Variants in IGSF22 observed in about 807,000 individuals in gnomAD.
The protein encoded by IGSF22 is immunoglobulin superfamily member 22, also known as immunoglobulin superfamily, member 22.
A neutral mutation model predicts 127.0 loss-of-function variants in IGSF22; 119 were observed. The ratio of observed to expected loss-of-function variants is 0.94; its 90% CI spans 0.81 to 1.09. IGSF22 has a LOEUF of 1.09. IGSF22 is among the 50% of genes least tolerant of loss of function. The pLI is 0.00. For synonymous variants in IGSF22, 568 were observed against 664.7 expected, an observed-to-expected ratio of 0.85 and a Z score of 2.24; for missense variants, 1,518 against 1,716.6, an observed-to-expected ratio of 0.88 and a Z score of 2.04.
rs760038093 is a variant in IGSF22 at position 18,707,863 on chromosome 11, C to G, written c.3221G>C (p.Arg1074Pro). ...STKRSDSGVYRILLQNEFGEA... is the reference protein window; with the variant it reads ...STKRSDSGVYPILLQNEFGEA... ...TCCAAACTCATTCTGAAGCAAGATT[C>G]GGTACACCCCTGAGTCAGAGCGCTT... The change falls in exon 20 of 23, where the codon CGA becomes CCA. Residue 1074 changes from arginine (R) to proline (P), a missense_variant. This residue lies in a region of IGSF22 where 1,456 missense variants were observed against 1,644.9 expected (regional missense o/e 0.89). Transcript: ENST00000513874. The G allele has an allele frequency of 1.9e-6, 3 of 1,613,810 alleles. No individual in the cohort carries two copies. Among genetic ancestry groups the G allele is most frequent in the Non-Finnish European group, 2.5e-6 (3 of 1,179,884 alleles).
intron 2 of IGSF22, among the ~76,000 whole-genome samples, chr11:18,722,622 C>A (rs200882772): frequency 1.3e-5 from 2 of 151,906 alleles, no homozygotes; most frequent in African/African-American, 2.4e-5. Flanking sequence ...ATTTGGAAAA[C>A]AAAAAAAACT....
chr11:18,721,361 C>A (rs1374306770), intron 4 of IGSF22, among the ~76,000 whole-genome samples, 174 bp downstream of exon 4: 1 of 152,244 alleles, frequency 6.6e-6, no homozygotes, highest in Non-Finnish European at 1.5e-5. Context: ...ATCCCGGTTC[C>A]TGACTCGGCC....
chr11:18,715,112 T>C, intron 11 of IGSF22, among the ~76,000 whole-genome samples: 1 of 151,758 alleles, frequency 6.6e-6, no homozygotes, highest in East Asian at 1.9e-4. Context: ...TAGTAGGAGA[T>C]GGTCGGGATC....
At chr11:18,713,151 C>CTTTT (rs11364796) in intron 14 of IGSF22, among the ~76,000 whole-genome samples, 2 of 117,650 alleles carry the variant, frequency 1.7e-5, no homozygotes, top group African/African-American at 6.6e-5. Context: ...GTTGTTGTTT[C>CTTTT]TTTTTTTTTT....
intron 9 of IGSF22, 89 bp from the exon 10 acceptor site, chr11:18,717,089 CCTGT>C (rs982882426): frequency 2.1e-6 from 3 of 1,437,254 alleles, no homozygotes; most frequent in African/African-American, 2.8e-5. Context: ...TCACTGGCCT[CCTGT>C]AGCCCATGGC....
intron 2 of IGSF22, among the ~76,000 whole-genome samples, chr11:18,722,825 G>A (rs1590457932): frequency 1.3e-5 from 2 of 152,136 alleles, no homozygotes; most frequent in African/African-American, 4.8e-5. Context: ...CTGACAGAGG[G>A]GGAAAAGTGT....
chr11:18,709,432 C>T lies in IGSF22; in HGVS notation c.2953G>A (p.Glu985Lys), dbSNP rs1174949528. 2 of 1,614,180 alleles carry T rather than the reference C, an allele frequency of 1.2e-6. No individual in the cohort carries two copies. The highest frequency in any genetic ancestry group is 3.3e-5 in the Admixed American group (2 of 60,022). ...IRAVNEAGVG[E>K]PVELDKGVRA... The stretch of plus-strand genomic sequence containing the variant: ...ACCCCCTTGTCTAGCTCCACAGGCT[C>T]CCCAACCCCAGCCTCATTCACAGCC... The change falls in exon 18 of 23, where the codon GAG becomes AAG. Residue 985 changes from glutamate to lysine, a missense_variant. This residue lies in a region of IGSF22 where 1,456 missense variants were observed against 1,644.9 expected (regional missense o/e 0.89). Transcript: ENST00000513874. This position sits in a 1 kb window ranked among gnomAD's most constrained non-coding sequence, Gnocchi z 4.8.
rs1437877785 is a variant in IGSF22 at position 18,712,297 on chromosome 11, T to C, written c.2183A>G (p.Asn728Ser). Residue 728 changes from asparagine (N) to serine (S), a missense_variant, in exon 15 of 23, where the codon AAT becomes AGT. Asn to Ser is a conservative substitution (Grantham distance 46). Around this residue, in one of 3 missense-constraint regions of IGSF22, gnomAD observed 1,456 missense variants for 1,644.9 expected, o/e 0.89. Coordinates refer to ENST00000513874, the MANE Select transcript of IGSF22 (RefSeq NM_173588.4). ...GAACTGTGTCACAGGTCGTCCACCA[T>C]TGTCCTTTGGGGCCTTCCACTTCAT... ...VHMKWKAPKD[N>S]GGRPVTQFIV... is the part of the protein sequence containing the mutation. 5.2e-6 allele frequency: 8 copies of C among 1,551,732 alleles called. No individual in the cohort carries two copies. The highest frequency in any genetic ancestry group is 3.6e-5 in the South Asian group (3 of 84,064).
intron 7 of IGSF22, 24 bp from the exon 8 acceptor site, chr11:18,718,752 G>A: frequency 6.8e-7 from 1 of 1,473,402 alleles, no homozygotes; most frequent in Non-Finnish European, 9.5e-7. Context: ...ATAATAAAAT[G>A]ACAAGTGTCA....
intron 1 of IGSF22, among the ~76,000 whole-genome samples, chr11:18,724,879 C>T (rs896893712): frequency 6.6e-6 from 1 of 152,216 alleles, no homozygotes; most frequent in Middle Eastern, 3.4e-3. Context: ...TCCATATGGA[C>T]AGGCTCCCTC....
chr11:18,720,126 G>A, intron 5 of IGSF22, 23 bp from the exon 6 acceptor site: 7 of 1,614,164 alleles, frequency 4.3e-6, no homozygotes, highest in Non-Finnish European at 5.9e-6. Flanking sequence ...AGAGGGACAG[G>A]TTCAGACAGG....
In IGSF22 at chr11:18,713,934, C is replaced by G; in HGVS notation, c.2013G>C (p.Val671=). The G allele has an allele frequency of 6.2e-7, 1 of 1,614,268 alleles. No individual in the cohort carries two copies. The highest frequency in any genetic ancestry group is 1.1e-5 in the South Asian group (1 of 91,086). The change falls in exon 14 of 23, where the codon GTG becomes GTC. Residue 671 remains valine, a synonymous_variant. Transcript: ENST00000513874. Reference sequence around the variant, plus strand: ...GCAGGATGAGGCCGCTGTCTTCACGCACACAGTTGGAGATGGTGAGCAGTG... The same window carrying G: ...GCAGGATGAGGCCGCTGTCTTCACGGACACAGTTGGAGATGGTGAGCAGTG... ...DQALLTISNC[V]REDSGLILLK... is the part of the protein sequence containing the mutation.
Position 18,716,610 on chromosome 11 carries a change from A to T in IGSF22, c.1246+118T>A. On this transcript the variant is annotated intron_variant, in intron 10 of 22. Transcript: ENST00000513874. The surrounding 1 kb of genome is among the most constrained non-coding windows in gnomAD (Gnocchi z 4.5). ...AGATCCCCCTGTCTTTCCAGTACCT[A>T]CCACAGGGCTTTGCAAAAAGGAGAT... The T allele has an allele frequency of 9.6e-7, 1 of 1,045,278 alleles. No homozygotes were observed. Among genetic ancestry groups the T allele is most frequent in the Non-Finnish European group, 1.4e-6 (1 of 701,358 alleles). 64.8% of individuals were successfully genotyped at this position (1,045,278 alleles called of 1,614,324 possible). A position where few individuals can be genotyped will look rare whatever the true frequency, so the allele number is the denominator to read the frequency against.
chr11:18,723,900 T>C (rs559351652), intron 2 of IGSF22, among the ~76,000 whole-genome samples: 1 of 152,380 alleles, frequency 6.6e-6, no homozygotes, highest in South Asian at 2.1e-4. Context: ...ATCCACATGA[T>C]TGATCTTTTC....
intron 18 of IGSF22, among the ~76,000 whole-genome samples, chr11:18,708,974 C>T (rs1444087246): frequency 6.6e-6 from 1 of 152,186 alleles, no homozygotes; most frequent in African/African-American, 2.4e-5. Context: ...GCTCTCCCTC[C>T]ACCCCACAAG....
chr11:18,709,672 G>A lies in IGSF22; in HGVS notation c.2713C>T (p.Leu905=), dbSNP rs369738967. 1 of 1,613,650 alleles carries A rather than the reference G, an allele frequency of 6.2e-7. No homozygotes were observed. The highest frequency in any genetic ancestry group is 8.5e-7 in the Non-Finnish European group (1 of 1,179,686). The part of the protein sequence containing the change: ...VAKDPVKPPG[L]VQDLHVSDSS... ...TCAGATACATGCAGGTCCTGGACCAGGCCTGGGGGTTCTGGGGTAGAACAG... is the reference window on the plus strand; with the variant it reads ...TCAGATACATGCAGGTCCTGGACCAAGCCTGGGGGTTCTGGGGTAGAACAG... Residue 905 remains leucine, a synonymous_variant, in exon 18 of 23, where the codon CTG becomes TTG. Coordinates refer to ENST00000513874, the MANE Select transcript of IGSF22 (RefSeq NM_173588.4). The surrounding 1 kb of genome is among the most constrained non-coding windows in gnomAD (Gnocchi z 4.8).
At position 18,709,643 on chromosome 11, in the gene IGSF22, G is replaced by A. The variant is rs1848314346; in HGVS notation, c.2742C>T (p.Ser914=). The change falls in exon 18 of 23, where the codon TCC becomes TCT. Residue 914 remains serine, a synonymous_variant. Transcript: ENST00000513874. The surrounding 1 kb of genome is among the most constrained non-coding windows in gnomAD (Gnocchi z 4.8). ...AGGCCAGGGAAATGCTGGAGTTGGA[G>A]GAATCAGATACATGCAGGTCCTGGA... The part of the protein sequence containing the change: ...GLVQDLHVSD[S]SNSSISLAWR... The A allele has an allele frequency of 1.2e-6, 2 of 1,614,138 alleles. No individual in the cohort carries two copies. Among genetic ancestry groups the A allele is most frequent in the South Asian group, 1.1e-5 (1 of 91,078 alleles).
intron 20 of IGSF22, 122 bp from the exon 21 acceptor site, chr11:18,707,335 T>C (rs939557773): frequency 8.9e-6 from 8 of 898,072 alleles, no homozygotes; most frequent in African/African-American, 1.7e-5. Flanking sequence ...GCTGGTGTCT[T>C]GGAGTCGGAA....
In IGSF22 at chr11:18,706,954, T is replaced by C. The variant is rs1338068128; in HGVS notation, c.3540A>G (p.Pro1180=). 3 of 1,530,558 alleles carry C rather than the reference T, an allele frequency of 2.0e-6. No homozygotes were observed. The highest frequency in any genetic ancestry group is 2.0e-5 in the Admixed American group (1 of 49,878). 94.8% of individuals were successfully genotyped at this position (1,530,558 alleles called of 1,614,324 possible). A position where few individuals can be genotyped will look rare whatever the true frequency, so the allele number is the denominator to read the frequency against. Residue 1180 remains proline (P), a synonymous_variant, in exon 21 of 23, where the codon CCA becomes CCG. Transcript: ENST00000513874. ...TGAGCCAGGTGTCCCTGGAGTCAAGTGGCTCACTGTCACCGATTTCATTCC... is the reference window on the plus strand; with the variant it reads ...TGAGCCAGGTGTCCCTGGAGTCAAGCGGCTCACTGTCACCGATTTCATTCC... ...VARNEIGDSE[P]LDSRDTWLIN...
Sources: allele counts gnomAD v4.1 joint callset (sites outside exome capture counted in the v4.1 genomes callset), GRCh38; gene constraint gnomAD v4.1.1; regional missense constraint gnomAD v4.1.1; non-coding constraint Gnocchi (gnomAD v3.1); transcripts MANE v1.5; gene names NCBI Gene and HGNC (gene_info 2026-07-23, HGNC 2026-07-21).